BMPR1B: variants seen among roughly 807,000 people sequenced by gnomAD.
BMPR1B encodes the protein bone morphogenetic protein receptor type 1B, also known as bone morphogenetic protein receptor type-1B.
In BMPR1B, 12 loss-of-function variants were observed where a neutral mutation model predicts 59.1. The observed-to-expected ratio is 0.20, with a 90% CI of 0.13 to 0.33. BMPR1B has a LOEUF of 0.33. BMPR1B is among the 10% of genes least tolerant of loss of function. The pLI is 1.00. For missense variants in BMPR1B, 550 were observed against 610.9 expected, an observed-to-expected ratio of 0.90 and a Z score of 1.05; for synonymous variants, 237 against 207.3, an observed-to-expected ratio of 1.14 and a Z score of -1.23.
chr4:94,963,236 G>T (rs1264991503), intron 2 of BMPR1B, among the ~76,000 whole-genome samples: 1 of 151,912 alleles, frequency 6.6e-6, no homozygotes, highest in Non-Finnish European at 1.5e-5. Flanking sequence ...TGTATCTTCT[G>T]GTTATTAATC....
At chr4:94,990,576 G>T (rs1409157781) in intron 2 of BMPR1B, among the ~76,000 whole-genome samples, 1 of 152,310 alleles carries the variant, frequency 6.6e-6, no homozygotes, top group East Asian at 1.9e-4. Flanking sequence ...CTTTGATGAG[G>T]AAACTAAGTC....
chr4:94,965,596 A>G (rs976301182), intron 2 of BMPR1B, among the ~76,000 whole-genome samples: 2 of 152,218 alleles, frequency 1.3e-5, no homozygotes, highest in Admixed American at 1.3e-4. Flanking sequence ...ATTTTCTCCC[A>G]GTTTAACACA....
intron 1 of BMPR1B, among the ~76,000 whole-genome samples, chr4:94,873,598 TG>T (rs1726591012): frequency 6.6e-6 from 1 of 151,914 alleles, no homozygotes; most frequent in Admixed American, 6.6e-5. Context: ...TTAGTAGAGA[TG>T]GGGTTTCACC....
intron 2 of BMPR1B, among the ~76,000 whole-genome samples, chr4:94,934,143 C>T (rs1729198664): frequency 6.6e-6 from 1 of 152,148 alleles, no homozygotes; most frequent in Non-Finnish European, 1.5e-5. Context: ...TTATTTGTAG[C>T]ATCCACGAAT....
chr4:95,006,775 G>A (rs1722868369), intron 3 of BMPR1B, among the ~76,000 whole-genome samples: 1 of 151,946 alleles, frequency 6.6e-6, no homozygotes, highest in Non-Finnish European at 1.5e-5. Context: ...TCCTGACTTC[G>A]TGATCCACCC....
chr4:94,901,506 C>A (rs1727808540), intron 2 of BMPR1B, among the ~76,000 whole-genome samples: 1 of 151,906 alleles, frequency 6.6e-6, no homozygotes, highest in South Asian at 2.1e-4. Flanking sequence ...TGAGAACATA[C>A]AGAGAACGAC....
chr4:95,151,171 T>C (rs573293130), intron 11 of BMPR1B, among the ~76,000 whole-genome samples: 1 of 152,320 alleles, frequency 6.6e-6, no homozygotes, highest in South Asian at 2.1e-4. Context: ...CAGAGTTAAA[T>C]GGCAGCTAAC....
chr4:95,135,776 G>T (rs1280594935), intron 10 of BMPR1B, among the ~76,000 whole-genome samples: 2 of 152,130 alleles, frequency 1.3e-5, no homozygotes, highest in Non-Finnish European at 2.9e-5. Flanking sequence ...AGATGATGGG[G>T]TTTTCTAGAT....
chr4:94,759,584 T>C (rs1721677215), intron 1 of BMPR1B, among the ~76,000 whole-genome samples: 1 of 152,218 alleles, frequency 6.6e-6, no homozygotes, highest in South Asian at 2.1e-4. Flanking sequence ...TCAACTGGGA[T>C]GTTAGTATTT....
chr4:95,152,519 A>G (rs1455687209), intron 11 of BMPR1B, 124 bp from the exon 12 acceptor site: 15 of 804,396 alleles, frequency 1.9e-5, no homozygotes, highest in Non-Finnish European at 2.5e-5. Context: ...TTATTTTGCT[A>G]TTTTTCTGCC....
chr4:95,074,875 T>A (rs1285702195), intron 3 of BMPR1B, among the ~76,000 whole-genome samples: 1 of 152,124 alleles, frequency 6.6e-6, no homozygotes, highest in African/African-American at 2.4e-5. Flanking sequence ...AAAAGTTACA[T>A]GCCTGCTCAT....
intron 1 of BMPR1B, among the ~76,000 whole-genome samples, chr4:94,797,020 G>A (rs574335594): frequency 1.3e-5 from 2 of 152,268 alleles, no homozygotes; most frequent in South Asian, 4.1e-4. Flanking sequence ...ACATACATAA[G>A]ACTGGGAAGA....
At chr4:94,860,641 T>G (rs1181789537) in intron 1 of BMPR1B, among the ~76,000 whole-genome samples, 1 of 152,206 alleles carries the variant, frequency 6.6e-6, no homozygotes, top group African/African-American at 2.4e-5. Flanking sequence ...ACTTTTATTT[T>G]TTAGTTTTTG....
chr4:95,150,260 T>C (rs994838727), intron 11 of BMPR1B, among the ~76,000 whole-genome samples: 2 of 152,172 alleles, frequency 1.3e-5, no homozygotes, highest in African/African-American at 4.8e-5. Context: ...AAATTTCTCA[T>C]TCTAAGTGTA....
intron 2 of BMPR1B, among the ~76,000 whole-genome samples, chr4:94,957,664 T>G (rs899591210): frequency 6.6e-6 from 1 of 152,138 alleles, no homozygotes; most frequent in African/African-American, 2.4e-5. Context: ...TTCATTTTTA[T>G]GTAAGTCTCA....
At chr4:94,782,485 T>C (rs1013857637) in intron 1 of BMPR1B, among the ~76,000 whole-genome samples, 11 of 151,936 alleles carry the variant, frequency 7.2e-5, no homozygotes, top group Admixed American at 4.6e-4. Context: ...TTGTATTTGT[T>C]TGTAGAGCTG....
chr4:94,906,593 A>G (rs943690401), intron 2 of BMPR1B, among the ~76,000 whole-genome samples: 4 of 152,054 alleles, frequency 2.6e-5, no homozygotes, highest in Non-Finnish European at 4.4e-5. Context: ...CCACCATGAC[A>G]CATATATACC....
At chr4:95,094,156 C>T (rs723367) in intron 3 of BMPR1B, among the ~76,000 whole-genome samples, 96,033 of 151,770 alleles carry the variant, frequency 0.63, 30,992 homozygotes, top group South Asian at 0.73. Flanking sequence ...TTGAGGACAC[C>T]GTCAAGTACT....
intron 1 of BMPR1B, among the ~76,000 whole-genome samples, chr4:94,825,014 C>T (rs1243512166): frequency 5.9e-5 from 9 of 152,156 alleles, no homozygotes; most frequent in East Asian, 1.9e-4. Context: ...AAAAGAAGGA[C>T]GTTTAGAATC....
Sources: allele counts gnomAD v4.1 joint callset (sites outside exome capture counted in the v4.1 genomes callset), GRCh38; gene constraint gnomAD v4.1.1; transcripts MANE v1.5; gene names NCBI Gene and HGNC (gene_info 2026-07-23, HGNC 2026-07-21).